The following TRIM5 variants were observed in gnomAD, a reference collection of about 807,000 sequenced individuals.
TRIM5 encodes the protein tripartite motif-containing protein 5.
Under a neutral mutation model 35.6 loss-of-function variants are expected in TRIM5, and 31 were observed. The observed-to-expected ratio is 0.87, with a 90% CI of 0.65 to 1.18. The LOEUF is 1.18. Among genes scored for constraint, TRIM5 ranks in the 50% most tolerant of loss-of-function variants. The probability of loss-of-function intolerance (pLI) is 0.00; values close to 1 mark genes in which losing one functional copy is unlikely to be tolerated. For missense variants in TRIM5, 609 were observed against 591.6 expected (o/e 1.03, Z -0.31); for synonymous variants, 243 against 215.6 (o/e 1.13, Z -1.11).
At chr11:5,621,624 A>G in the TRIM5 span, among the ~76,000 whole-genome samples, 1 of 152,222 alleles carries the variant, frequency 6.6e-6, no homozygotes, top group Non-Finnish European at 1.5e-5. Context: ...TATGAAAGGA[A>G]AATAAATCTT....
intron 4 of TRIM5, among the ~76,000 whole-genome samples, chr11:5,668,180 G>A (rs1475126899): frequency 6.6e-6 from 1 of 152,090 alleles, no homozygotes; most frequent in Non-Finnish European, 1.5e-5. Context: ...AAGATGAGGT[G>A]GGAGAATTTG....
intron 4 of TRIM5, among the ~76,000 whole-genome samples, chr11:5,668,217 C>A (rs192969841): frequency 1.3e-5 from 2 of 152,194 alleles, no homozygotes; most frequent in African/African-American, 4.8e-5. Context: ...TGAGGCTGCA[C>A]TGAGCTAGGA....
the TRIM5 span, among the ~76,000 whole-genome samples, chr11:5,657,707 A>T: frequency 8.9e-4 from 114 of 128,308 alleles, 1 homozygote; most frequent in African/African-American, 3.3e-3. Context: ...AATATATATA[A>T]ATATATATAT....
At chr11:5,605,648 A>G in the TRIM5 span, 2 of 1,470,384 alleles carry the variant, frequency 1.4e-6, no homozygotes, top group Non-Finnish European at 9.0e-7. Context: ...ACATCAGACT[A>G]CCATCGTTGC....
At chr11:5,634,524 CACACACATATAT>C in the TRIM5 span, 5 of 676,528 alleles carry the variant, frequency 7.4e-6, no homozygotes, top group South Asian at 1.3e-4. Flanking sequence ...CACACACACA[CACACACATATAT>C]ATATATATAT....
the TRIM5 span, chr11:5,604,716 T>C: frequency 7.3e-7 from 1 of 1,366,794 alleles, no homozygotes; most frequent in Non-Finnish European, 9.9e-7. Context: ...TTGTCCTGTC[T>C]GTCCTCTGAT....
the TRIM5 span, among the ~76,000 whole-genome samples, chr11:5,630,311 A>C: frequency 6.6e-6 from 1 of 152,168 alleles, no homozygotes; most frequent in Non-Finnish European, 1.5e-5. Context: ...CCACATGTCT[A>C]GTCTGACTTC....
At chr11:5,659,499 T>G (rs1356062226), downstream of TRIM5, among the ~76,000 whole-genome samples, 1 of 152,206 alleles carries the variant, frequency 6.6e-6, no homozygotes, top group East Asian at 1.9e-4. Context: ...TAACTTCAAC[T>G]AATAATTATA....
chr11:5,631,383 A>G, the TRIM5 span, among the ~76,000 whole-genome samples: 2 of 152,214 alleles, frequency 1.3e-5, no homozygotes, highest in Non-Finnish European at 2.9e-5. Flanking sequence ...TGAGGGTATT[A>G]TGTTCACTCC....
chr11:5,642,588 A>T, the TRIM5 span: 1 of 1,523,030 alleles, frequency 6.6e-7, no homozygotes, highest in South Asian at 1.2e-5. Flanking sequence ...ATAACTTAAA[A>T]TTGAGGACAG....
chr11:5,647,193 G>A, the TRIM5 span, among the ~76,000 whole-genome samples: 1 of 152,090 alleles, frequency 6.6e-6, no homozygotes, highest in Non-Finnish European at 1.5e-5. Flanking sequence ...CCAATACTTG[G>A]CAAAGGGGAT....
chr11:5,657,598 TAA>T, the TRIM5 span, among the ~76,000 whole-genome samples: 331 of 96,976 alleles, frequency 3.4e-3, 7 homozygotes, highest in African/African-American at 0.014. Flanking sequence ...GCATTATATA[TAA>T]TATATATTTA....
intron 1 of TRIM5, among the ~76,000 whole-genome samples, chr11:5,680,760 T>C (rs7117107): frequency 0.53 from 80,362 of 151,386 alleles, 21,338 homozygotes; most frequent in Admixed American, 0.53. Flanking sequence ...AATCTCACCA[T>C]GCACTGTACG....
At chr11:5,632,336 CTTCAAA>C in the TRIM5 span, 1 of 1,614,076 alleles carries the variant, frequency 6.2e-7, no homozygotes, top group East Asian at 2.2e-5. Flanking sequence ...AGTGCAATGG[CTTCAAA>C]AATCTTGCTT....
the TRIM5 span, among the ~76,000 whole-genome samples, chr11:5,648,402 T>A: frequency 2.6e-5 from 4 of 151,790 alleles, no homozygotes; most frequent in Non-Finnish European, 4.4e-5. Context: ...GCTACTCAGT[T>A]GGCTGAGGCG....
the TRIM5 span, among the ~76,000 whole-genome samples, chr11:5,631,445 T>G: frequency 1.3e-4 from 20 of 152,360 alleles, no homozygotes; most frequent in South Asian, 2.1e-3. Flanking sequence ...TTTTATTTAT[T>G]CATCTGAAGA....
chr11:5,650,541 G>A, the TRIM5 span, among the ~76,000 whole-genome samples: 1 of 152,134 alleles, frequency 6.6e-6, no homozygotes, highest in African/African-American at 2.4e-5. Flanking sequence ...TTTCCATGAG[G>A]ACATACCTGC....
Position 5,678,238 on chromosome 11 carries a change from T to C in TRIM5, c.710A>G (p.His237Arg), listed in dbSNP as rs1414318273. 2.5e-6 allele frequency: 4 copies of C among 1,613,472 alleles called. No individual in the cohort carries two copies. The highest frequency in any genetic ancestry group is 1.3e-5 in the African/African-American group (1 of 74,932). The change falls in exon 4 of 8, where the codon CAT (histidine) becomes CGT (arginine). Residue 237 changes from histidine (H) to arginine (R), a missense_variant. Transcript: ENST00000380034. ...SLRELISDLE[H>R]RLQGSVMELL... ...CTCCATCACTGACCCCTGCAGCCGA[T>C]GCTCCAGATCTGAGATGAGCTCTCT...
chr11:5,638,266 C>G, the TRIM5 span, among the ~76,000 whole-genome samples: 1 of 152,182 alleles, frequency 6.6e-6, no homozygotes, highest in Non-Finnish European at 1.5e-5. Context: ...CAACTAAAAT[C>G]TGAGAATACA....
Sources: allele counts gnomAD v4.1 joint callset (sites outside exome capture counted in the v4.1 genomes callset), GRCh38; gene constraint gnomAD v4.1.1; transcripts MANE v1.5; gene names NCBI Gene and HGNC (gene_info 2026-07-23, HGNC 2026-07-21).